PHACTR4: variants seen among roughly 807,000 people sequenced by gnomAD.
PHACTR4 encodes the protein phosphatase and actin regulator 4, also known as protein phosphatase 1, regulatory subunit 124.
Under a neutral mutation model 72.7 loss-of-function variants are expected in PHACTR4, and 51 were observed. The observed-to-expected ratio is 0.70, with a 90% CI of 0.56 to 0.89. PHACTR4 has a LOEUF of 0.89. Among genes scored for constraint, PHACTR4 ranks in the 40% least tolerant of loss-of-function variants. PHACTR4 has a pLI of 0.00. For synonymous variants in PHACTR4, 255 were observed against 302.5 expected, an observed-to-expected ratio of 0.84 and a Z score of 1.63; for missense variants, 731 against 861.8, an observed-to-expected ratio of 0.85 and a Z score of 1.90.
chr1:28,491,723 C>CA lies in PHACTR4; in HGVS notation c.1953dup (p.Asp652ArgfsTer6). On this transcript the variant is annotated frameshift_variant, in exon 12 of 14. Transcript: ENST00000373839. LOFTEE classifies it high-confidence loss of function. ...AGGTTTAATGAATATGTAGAGGTAA[C>CA]AGATGCTCAAGATTATGACCGGCGA... 2 of 1,614,154 alleles carry CA rather than the reference C, an allele frequency of 1.2e-6. No individual in the cohort carries two copies. Among genetic ancestry groups the CA allele is most frequent in the Non-Finnish European group, 1.7e-6 (2 of 1,180,026 alleles).
intron 9 of PHACTR4, among the ~76,000 whole-genome samples, chr1:28,486,182 C>T (rs1660634070): frequency 6.6e-6 from 1 of 151,894 alleles, no homozygotes; most frequent in Non-Finnish European, 1.5e-5. Flanking sequence ...CATGGAGAAA[C>T]TTCATCTCTA....
At chr1:28,381,377 C>A (rs1404644598) in intron 1 of PHACTR4, among the ~76,000 whole-genome samples, 1 of 146,370 alleles carries the variant, frequency 6.8e-6, no homozygotes, top group Non-Finnish European at 1.5e-5. Context: ...CAGCTCACTG[C>A]AACCTCCGCC....
chr1:28,467,999 C>A (rs752690517), intron 6 of PHACTR4, among the ~76,000 whole-genome samples: 1 of 152,026 alleles, frequency 6.6e-6, no homozygotes, highest in African/African-American at 2.4e-5. Context: ...CACGATTGAA[C>A]GAATGAATAA....
rs1281135094 is a variant in PHACTR4 at position 28,493,079 on chromosome 1, A to G, written c.2081A>G (p.Lys694Arg). ...SSEMEVHEESKHFTRYHRP is the reference protein window; with the variant it reads ...SSEMEVHEESRHFTRYHRP ...GAGATGGAGGTTCATGAAGAGAGCA[A>G]ACATTTTACACGGTAAGACCCAAAA... Residue 694 changes from lysine to arginine, a missense_variant, in exon 13 of 14, where the codon AAA becomes AGA. By Grantham distance (26) the Lys-to-Arg change is conservative. Around this residue, in one of 2 missense-constraint regions of PHACTR4, gnomAD observed 110 missense variants for 185.2 expected, o/e 0.59. Coordinates refer to ENST00000373839, the MANE Select transcript of PHACTR4 (RefSeq NM_001048183.3). The G allele has an allele frequency of 1.2e-6, 2 of 1,612,462 alleles. No individual in the cohort carries two copies. The highest frequency in any genetic ancestry group is 3.3e-5 in the Admixed American group (2 of 59,996).
At chr1:28,417,146 G>A (rs1655155688) in intron 2 of PHACTR4, among the ~76,000 whole-genome samples, 1 of 151,290 alleles carries the variant, frequency 6.6e-6, no homozygotes, top group South Asian at 2.1e-4. Context: ...ATCCTATGTA[G>A]ACTAGTGTTA....
At chr1:28,395,056 G>A (rs4908418) in intron 1 of PHACTR4, among the ~76,000 whole-genome samples, 58,221 of 151,050 alleles carry the variant, frequency 0.39, 12,890 homozygotes, top group African/African-American at 0.6. Context: ...TGGGATTACA[G>A]GCGCCCACCA....
intron 9 of PHACTR4, among the ~76,000 whole-genome samples, chr1:28,483,587 G>A (rs952522183): frequency 2.0e-5 from 3 of 151,494 alleles, no homozygotes; most frequent in Non-Finnish European, 3.0e-5. Context: ...GGATCATGAG[G>A]TCAGGAGATC....
At chr1:28,478,340 T>C (rs1660052793) in intron 8 of PHACTR4, among the ~76,000 whole-genome samples, 1 of 152,250 alleles carries the variant, frequency 6.6e-6, no homozygotes, top group South Asian at 2.1e-4. Flanking sequence ...TTGGGGATTA[T>C]AAATAGTACT....
intron 2 of PHACTR4, among the ~76,000 whole-genome samples, chr1:28,419,070 A>G (rs906178004): frequency 1.0e-5 from 1 of 97,228 alleles, no homozygotes; most frequent in African/African-American, 4.9e-5. Context: ...TTCTATGTAC[A>G]GTAGTTACAT....
At chr1:28,391,809 G>T (rs1037846656) in intron 1 of PHACTR4, among the ~76,000 whole-genome samples, 3 of 151,862 alleles carry the variant, frequency 2.0e-5, no homozygotes, top group Non-Finnish European at 4.4e-5. Context: ...GTTTCTCCAT[G>T]TTGGTCAGGC....
At chr1:28,469,039 C>T (rs953826644) in intron 6 of PHACTR4, among the ~76,000 whole-genome samples, 2 of 152,090 alleles carry the variant, frequency 1.3e-5, no homozygotes, top group Non-Finnish European at 2.9e-5. Flanking sequence ...GGGTCCTCAA[C>T]AAAAGAAGAA....
intron 2 of PHACTR4, among the ~76,000 whole-genome samples, chr1:28,452,138 G>A (rs1658023097): frequency 6.6e-6 from 1 of 151,934 alleles, no homozygotes; most frequent in Admixed American, 6.6e-5. Flanking sequence ...AACTGTGTGG[G>A]TTCTTATGTG....
At chr1:28,411,515 A>G (rs1364225566) in intron 2 of PHACTR4, among the ~76,000 whole-genome samples, 3 of 152,202 alleles carry the variant, frequency 2.0e-5, no homozygotes, top group Non-Finnish European at 4.4e-5. Flanking sequence ...GTTGTTTACT[A>G]TACATATACA....
chr1:28,388,135 A>G lies in PHACTR4; in HGVS notation c.-39+18310A>G, dbSNP rs1291281865. Among the ~76,000 whole-genome samples the G allele has an allele frequency of 2.0e-5, 3 of 151,964 alleles. No individual in the cohort carries two copies. In the East Asian group the frequency reaches 5.8e-4, roughly 29 times the overall value. ...GAGCCAGGAGACTGAGGATGCAGTA[A>G]GCTGTGATGGTGCCATTATGCTGCA... On this transcript the variant is annotated intron_variant, in intron 1 of 13. Transcript: ENST00000373839.
At chr1:28,494,231 C>T (rs1661202124) in intron 13 of PHACTR4, 1 of 151,942 alleles carries the variant, frequency 6.6e-6, no homozygotes, top group South Asian at 2.1e-4. Flanking sequence ...TTGATTTAGG[C>T]AGGGGCCTGG....
At chr1:28,440,964 C>T (rs1656985493) in intron 2 of PHACTR4, among the ~76,000 whole-genome samples, 1 of 152,046 alleles carries the variant, frequency 6.6e-6, no homozygotes, top group Non-Finnish European at 1.5e-5. Context: ...TATAATACAG[C>T]ACTTAGTTTT....
intron 2 of PHACTR4, among the ~76,000 whole-genome samples, chr1:28,446,309 G>T (rs1569977663): frequency 6.6e-6 from 1 of 152,228 alleles, no homozygotes; most frequent in Middle Eastern, 3.4e-3. Flanking sequence ...TTCTAAATAG[G>T]CCATTAATAA....
intron 2 of PHACTR4, among the ~76,000 whole-genome samples, chr1:28,418,602 T>G (rs1655279095): frequency 6.6e-6 from 1 of 152,162 alleles, no homozygotes; most frequent in Admixed American, 6.5e-5. Context: ...TATTTTTTCT[T>G]ATTACAAAAA....
chr1:28,439,207 G>C (rs1656827703), intron 2 of PHACTR4, among the ~76,000 whole-genome samples: 1 of 151,248 alleles, frequency 6.6e-6, no homozygotes, highest in Non-Finnish European at 1.5e-5. Flanking sequence ...ATCATTTCTA[G>C]ACATTATAAT....
Sources: gnomAD v4.1 joint callset for allele counts (sites outside exome capture counted in the v4.1 genomes callset) on GRCh38, gnomAD v4.1.1 for gene constraint, gnomAD v4.1.1 regional missense constraint, MANE v1.5 for transcripts, NCBI Gene and HGNC (gene_info 2026-07-23, HGNC 2026-07-21) for gene names.